ANKRD31: variants seen among roughly 807,000 people sequenced by gnomAD.
The protein encoded by ANKRD31 is ankyrin repeat domain-containing protein 31.
ANKRD31 carries 147 observed loss-of-function variants against 186.0 expected under a neutral mutation model. The ratio of observed to expected loss-of-function variants is 0.79; its 90% CI spans 0.69 to 0.91. The LOEUF is 0.91. ANKRD31 is among the 40% of genes least tolerant of loss of function. ANKRD31 has a pLI of 0.00. For missense variants in ANKRD31, 1,986 were observed against 2,148.8 expected (o/e 0.92, Z 1.50); for synonymous variants, 673 against 736.4 (o/e 0.91, Z 1.39).
chr5:75,162,145 GA>G (rs1030052791), intron 11 of ANKRD31, among the ~76,000 whole-genome samples: 9 of 152,188 alleles, frequency 5.9e-5, no homozygotes, highest in African/African-American at 1.9e-4. Flanking sequence ...CATGTGCCTA[GA>G]AAAGCCAGAG....
chr5:75,098,210 G>A (rs567534109), intron 22 of ANKRD31, among the ~76,000 whole-genome samples: 1 of 152,010 alleles, frequency 6.6e-6, no homozygotes, highest in Non-Finnish European at 1.5e-5. Flanking sequence ...AGCCAGGATG[G>A]TCTCGATCTC....
intron 22 of ANKRD31, among the ~76,000 whole-genome samples, chr5:75,098,215 G>A (rs1455778442): frequency 2.6e-5 from 4 of 152,024 alleles, no homozygotes; most frequent in African/African-American, 7.2e-5. Flanking sequence ...GGATGGTCTC[G>A]ATCTCTTGAC....
chr5:75,093,024 T>C (rs1388360920), intron 22 of ANKRD31, among the ~76,000 whole-genome samples: 1 of 152,012 alleles, frequency 6.6e-6, no homozygotes, highest in Non-Finnish European at 1.5e-5. Context: ...AAAGAATTAG[T>C]AAACTTGAAG....
chr5:75,210,667 T>A (rs929825649), intron 4 of ANKRD31, among the ~76,000 whole-genome samples, 161 bp downstream of exon 4: 3 of 152,198 alleles, frequency 2.0e-5, no homozygotes, highest in African/African-American at 7.2e-5. Flanking sequence ...ATAAAACTTA[T>A]CTAGAATGTA....
In ANKRD31 at chr5:75,144,079, G is replaced by A; in HGVS notation, c.3517C>T (p.Pro1173Ser). The stretch of plus-strand genomic sequence containing the variant: ...GTTTTGTGTTCTTGGCTATTAGTAG[G>A]CATGTGAATTTCTGACTCCGTTTTT... Reference protein sequence around the residue: ...KEKTESEIHMPTNSQEHKTVQ... With the variant: ...KEKTESEIHMSTNSQEHKTVQ... The change falls in exon 15 of 26, where the codon CCT becomes TCT. Residue 1173 changes from proline (P) to serine (S), a missense_variant. Physicochemically the swap from Pro to Ser is moderately conservative, Grantham distance 74 (BLOSUM62 -1). Transcript: ENST00000506364. 2.5e-6 allele frequency: 1 copy of A among 397,444 alleles called. No homozygotes were observed. The highest frequency in any genetic ancestry group is 4.4e-6 in the Non-Finnish European group (1 of 225,384). The allele number at this position is 397,444 out of a possible 1,614,324, so 24.6% of individuals were successfully genotyped here. A position where few individuals can be genotyped will look rare whatever the true frequency, so the allele number is the denominator to read the frequency against.
At chr5:75,214,536 TAA>T (rs1269023874) in intron 3 of ANKRD31, among the ~76,000 whole-genome samples, 1 of 152,204 alleles carries the variant, frequency 6.6e-6, no homozygotes, top group African/African-American at 2.4e-5. Context: ...ACGGGGGCTT[TAA>T]AAGACCATGC....
intron 12 of ANKRD31, among the ~76,000 whole-genome samples, chr5:75,153,304 T>G (rs1055155214): frequency 6.6e-6 from 1 of 152,148 alleles, no homozygotes; most frequent in African/African-American, 2.4e-5. Flanking sequence ...CCTGACCCTC[T>G]GAAGCTGTGT....
At chr5:75,128,040 T>C (rs1249096785) in intron 17 of ANKRD31, among the ~76,000 whole-genome samples, 1 of 152,238 alleles carries the variant, frequency 6.6e-6, no homozygotes, top group Non-Finnish European at 1.5e-5. Flanking sequence ...AGTTTTTCAT[T>C]GTCATATTAT....
intron 11 of ANKRD31, among the ~76,000 whole-genome samples, chr5:75,163,145 G>A (rs994930347): frequency 6.6e-6 from 1 of 152,194 alleles, no homozygotes; most frequent in African/African-American, 2.4e-5. Flanking sequence ...GGGATGAAGA[G>A]AAAGAATACT....
At chr5:75,190,974 T>G (rs1755071519) in intron 9 of ANKRD31, among the ~76,000 whole-genome samples, 2 of 152,238 alleles carry the variant, frequency 1.3e-5, no homozygotes, top group East Asian at 1.9e-4. Flanking sequence ...ATACAATTTT[T>G]TTAAATGTAT....
chr5:75,107,592 C>A lies in ANKRD31; in HGVS notation c.4269G>T (p.Lys1423Asn), dbSNP rs750261213. ...GCACATTATCCATAATCTTTTTTAT[C>A]TTTAACATCTTTTCAATGTATTGTT... is the stretch of plus-strand genomic sequence containing the variant. ...DAEQYIEKML[K>N]IKKIMDNVLA... The change falls in exon 21 of 26, where the codon AAG (lysine) becomes AAT (asparagine). Residue 1423 changes from lysine (K) to asparagine (N), a missense_variant. Physicochemically the swap from Lys to Asn is moderately conservative, Grantham distance 94. Coordinates refer to ENST00000506364, the MANE Select transcript of ANKRD31 (RefSeq NM_001372053.1). 2.4e-5 allele frequency: 37 copies of A among 1,526,682 alleles called. No homozygotes were observed. Among genetic ancestry groups the A allele is most frequent in the Admixed American group, 8.0e-5 (4 of 49,866 alleles). 94.6% of individuals were successfully genotyped at this position (1,526,682 alleles called of 1,614,324 possible). A position where few individuals can be genotyped will look rare whatever the true frequency, so the allele number is the denominator to read the frequency against.
intron 17 of ANKRD31, among the ~76,000 whole-genome samples, chr5:75,135,506 G>A (rs566238428): frequency 4.2e-4 from 63 of 151,212 alleles, no homozygotes; most frequent in Middle Eastern, 3.4e-3. Context: ...ACTGCTCAAC[G>A]AAATAAAAGA....
intron 11 of ANKRD31, among the ~76,000 whole-genome samples, chr5:75,156,585 G>A (rs1752194209): frequency 6.6e-6 from 1 of 152,176 alleles, no homozygotes; most frequent in Non-Finnish European, 1.5e-5. Flanking sequence ...ATATGATTAA[G>A]TTAAGGATTT....
chr5:75,123,891 C>G (rs1305085811), intron 17 of ANKRD31, among the ~76,000 whole-genome samples: 1 of 151,812 alleles, frequency 6.6e-6, no homozygotes, highest in Non-Finnish European at 1.5e-5. Context: ...TTCATAAGAC[C>G]TTGAAACCAT....
chr5:75,173,376 T>C (rs960610037), intron 10 of ANKRD31, among the ~76,000 whole-genome samples: 2 of 152,168 alleles, frequency 1.3e-5, no homozygotes, highest in Admixed American at 1.3e-4. Context: ...TTGGAAATCC[T>C]GGCCAGGGCA....
chr5:75,102,456 A>T (rs192882161), intron 22 of ANKRD31, among the ~76,000 whole-genome samples: 1 of 152,316 alleles, frequency 6.6e-6, no homozygotes, highest in East Asian at 1.9e-4. Context: ...CTCTCTTCAA[A>T]GCTGTCAGAC....
At chr5:75,182,122 A>G in intron 10 of ANKRD31, among the ~76,000 whole-genome samples, 1 of 152,162 alleles carries the variant, frequency 6.6e-6, no homozygotes, top group East Asian at 1.9e-4. Flanking sequence ...CTTTTTGAAT[A>G]TTTTAAAACT....
At chr5:75,116,735 AT>A in intron 18 of ANKRD31, 54 bp from the exon 19 acceptor site, 2 of 1,085,176 alleles carry the variant, frequency 1.8e-6, no homozygotes, top group South Asian at 2.6e-5. Flanking sequence ...ATATAGTTTC[AT>A]TTTTCAGTTT....
chr5:75,203,673 AAAAAG>A lies in ANKRD31; in HGVS notation c.403+2733_403+2737del, dbSNP rs1554092025. 2.6e-4 allele frequency among the ~76,000 whole-genome samples: 38 copies of A among 148,328 alleles called. No individual in the cohort carries two copies. In the East Asian group the frequency reaches 6.3e-3, roughly 25 times the overall value. ...GAGAGGATCCATCTCAAAAAAAAAA[AAAAAG>A]AAAAGAAAAGAAAAGAAAAGAAAAT... On this transcript the variant is annotated intron_variant, in intron 5 of 25. Transcript: ENST00000506364.
Sources: allele counts gnomAD v4.1 joint callset (sites outside exome capture counted in the v4.1 genomes callset), GRCh38; gene constraint gnomAD v4.1.1; transcripts MANE v1.5; gene names NCBI Gene and HGNC (gene_info 2026-07-23, HGNC 2026-07-21).